TUBG1: variants seen among roughly 807,000 people sequenced by gnomAD.
TUBG1 encodes the protein tubulin gamma 1.
TUBG1 carries 22 observed loss-of-function variants against 53.3 expected under a neutral mutation model. The observed-to-expected ratio is 0.41, with a 90% CI of 0.29 to 0.59. The LOEUF (loss-of-function observed/expected upper bound fraction) is 0.59, where lower values mean the gene tolerates loss of function less well. Ranked by LOEUF, TUBG1 falls within the 20% of genes least tolerant of loss-of-function variation. The pLI is 0.26. For missense variants in TUBG1, 217 were observed against 598.9 expected (o/e 0.36, Z 6.66); for synonymous variants, 198 against 236.7 (o/e 0.84, Z 1.50).
chr17:42,614,295 C>G lies in TUBG1; in HGVS notation c.879C>G (p.Val293=). The G allele has an allele frequency of 6.2e-7, 1 of 1,613,990 alleles. No individual in the cohort carries two copies. Among genetic ancestry groups the G allele is most frequent in the Non-Finnish European group, 8.5e-7 (1 of 1,179,868 alleles). The part of the protein sequence containing the change: ...ASVRKTTVLD[V]MRRLLQPKNV... ...TGAGGAAGACCACGGTCCTGGATGT[C>G]ATGAGGCGGCTGCTGCAGCCCAAGA... is the stretch of plus-strand genomic sequence containing the variant. The change falls in exon 9 of 11, where the codon GTC becomes GTG. Residue 293 remains valine (V), a synonymous_variant. Transcript: ENST00000251413. The surrounding 1 kb of genome is among the most constrained non-coding windows in gnomAD (Gnocchi z 5.1).
Position 42,610,578 on chromosome 17 carries a change from C to T in TUBG1, c.318C>T (p.Ser106=), listed in dbSNP as rs770774247. 6 of 1,614,032 alleles carry T rather than the reference C, an allele frequency of 3.7e-6. No homozygotes were observed. The highest frequency in any genetic ancestry group is 1.3e-5 in the African/African-American group (1 of 74,914). ...HGGGAGNNWA[S]GFSQGEKIHE... The stretch of plus-strand genomic sequence containing the variant: ...GAGGAGCTGGCAACAACTGGGCCAG[C>T]GGATTCTCCCAGGTCGTTTCCTATT... The change falls in exon 3 of 11, where the codon AGC becomes AGT. Residue 106 remains serine, a synonymous_variant. Transcript: ENST00000251413.
At chr17:42,613,380 C>T (rs1464609245) in intron 6 of TUBG1, among the ~76,000 whole-genome samples, 1 of 151,916 alleles carries the variant, frequency 6.6e-6, no homozygotes, top group East Asian at 1.9e-4. Context: ...GATCATGTCA[C>T]TGACTGCACT....
chr17:42,614,852 G>T lies in TUBG1; in HGVS notation c.1167G>T (p.Glu389Asp). The T allele has an allele frequency of 6.2e-7, 1 of 1,614,204 alleles. No homozygotes were observed. The highest frequency in any genetic ancestry group is 8.5e-7 in the Non-Finnish European group (1 of 1,180,030). Reference protein sequence around the residue: ...ANHTSISSLFERTCRQYDKLR... With the variant: ...ANHTSISSLFDRTCRQYDKLR... ...TTTCTGCACACCCCAAGCTCTTCGAGAGAACCTGTCGCCAGTATGACAAGC... is the reference window on the plus strand; with the variant it reads ...TTTCTGCACACCCCAAGCTCTTCGATAGAACCTGTCGCCAGTATGACAAGC... The change falls in exon 11 of 11, where the codon GAG (glutamate) becomes GAT (aspartate). Residue 389 changes from glutamate (E) to aspartate (D), a missense_variant. This residue lies in a region of TUBG1 where 135 missense variants were observed against 371.2 expected (regional missense o/e 0.36). Coordinates refer to ENST00000251413, the MANE Select transcript of TUBG1 (RefSeq NM_001070.5). This position sits in a 1 kb window ranked among gnomAD's most constrained non-coding sequence, Gnocchi z 5.1.
chr17:42,613,770 C>T, intron 7 of TUBG1, 37 bp downstream of exon 7: 1 of 1,614,150 alleles, frequency 6.2e-7, no homozygotes, highest in Non-Finnish European at 8.5e-7. Flanking sequence ...GGACTTGAAG[C>T]CCTCCTTGTT....
At chr17:42,613,285 A>G (rs1597749054) in intron 6 of TUBG1, among the ~76,000 whole-genome samples, 1 of 152,244 alleles carries the variant, frequency 6.6e-6, no homozygotes, top group South Asian at 2.1e-4. Context: ...CCCCATCTCT[A>G]CTAAAAATAC....
chr17:42,610,742 G>A lies in TUBG1; in HGVS notation c.330+152G>A. On this transcript the variant is annotated intron_variant, in intron 3 of 10. Transcript: ENST00000251413. ...AGTGGACTATGTAATATTGTCAAGC[G>A]CCTACACTAGCTAATGCAGTGTGCC... The A allele has an allele frequency of 1.9e-6, 2 of 1,078,376 alleles. 1 individual carries two copies. The highest frequency in any genetic ancestry group is 3.2e-5 in the South Asian group (2 of 62,828). 66.8% of individuals were successfully genotyped at this position (1,078,376 alleles called of 1,614,324 possible). A position where few individuals can be genotyped will look rare whatever the true frequency, so the allele number is the denominator to read the frequency against.
At chr17:42,611,557 T>C (rs1301160906) in intron 3 of TUBG1, among the ~76,000 whole-genome samples, 4 of 152,160 alleles carry the variant, frequency 2.6e-5, no homozygotes, top group Admixed American at 2.6e-4. Context: ...CAGAGCTACA[T>C]AGAAGTAGAG....
intron 6 of TUBG1, among the ~76,000 whole-genome samples, 199 bp from the exon 7 acceptor site, chr17:42,613,448 T>C (rs2052051698): frequency 6.6e-6 from 1 of 151,076 alleles, no homozygotes; most frequent in African/African-American, 2.4e-5. Flanking sequence ...AAAAAAAAAC[T>C]GTTTAAATAA....
At chr17:42,612,272 C>G (rs920771967) in intron 4 of TUBG1, 129 bp downstream of exon 4, 1 of 1,305,696 alleles carries the variant, frequency 7.7e-7, no homozygotes, top group Non-Finnish European at 1.1e-6. Flanking sequence ...TCAGGCCTTG[C>G]CAGAAACAAG....
Position 42,610,012 on chromosome 17 carries a change from T to C in TUBG1, c.50-96T>C, listed in dbSNP as rs117672806. On this transcript the variant is annotated intron_variant, in intron 1 of 10. Coordinates refer to ENST00000251413, the MANE Select transcript of TUBG1 (RefSeq NM_001070.5). Reference sequence around the variant, plus strand: ...GGGAGAGTCCTGCGGCTTGACTTCTTATCCCTGGACGCAGGCGCCCAGTCC... The same window carrying C: ...GGGAGAGTCCTGCGGCTTGACTTCTCATCCCTGGACGCAGGCGCCCAGTCC... 1.9e-3 allele frequency: 2,705 copies of C among 1,457,318 alleles called. 7 individuals are homozygous for C. Among genetic ancestry groups the C allele is most frequent in the Admixed American group, 2.6e-3 (133 of 50,730 alleles). 90.3% of individuals were successfully genotyped at this position (1,457,318 alleles called of 1,614,324 possible).
chr17:42,611,527 G>C (rs552095169), intron 3 of TUBG1, among the ~76,000 whole-genome samples: 1 of 152,292 alleles, frequency 6.6e-6, no homozygotes, highest in South Asian at 2.1e-4. Flanking sequence ...CTGAGGCATA[G>C]AGCAATTAAA....
In TUBG1 at chr17:42,614,454, G is replaced by A; in HGVS notation, c.996+42G>A. On this transcript the variant is annotated intron_variant, in intron 9 of 10. Transcript: ENST00000251413. The surrounding 1 kb of genome is among the most constrained non-coding windows in gnomAD (Gnocchi z 5.1). ...CATCCCACACCCTGGACCTGCAGGG[G>A]TAGAGGAGAGGCCACCTCCACTGCT... 1.2e-6 allele frequency: 2 copies of A among 1,614,138 alleles called. No homozygotes were observed. Among genetic ancestry groups the A allele is most frequent in the African/African-American group, 1.3e-5 (1 of 75,032 alleles).
chr17:42,614,849 C>G lies in TUBG1; in HGVS notation c.1164C>G (p.Phe388Leu), dbSNP rs1028945256. The change falls in exon 11 of 11, where the codon TTC (phenylalanine) becomes TTG (leucine). Residue 388 changes from phenylalanine to leucine, a missense_variant. Physicochemically the swap from Phe to Leu is conservative, Grantham distance 22 (BLOSUM62 0). Around this residue, in one of 4 missense-constraint regions of TUBG1, gnomAD observed 135 missense variants for 371.2 expected, o/e 0.36. Coordinates refer to ENST00000251413, the MANE Select transcript of TUBG1 (RefSeq NM_001070.5). This position sits in a 1 kb window ranked among gnomAD's most constrained non-coding sequence, Gnocchi z 5.1. ...TGTTTTCTGCACACCCCAAGCTCTT[C>G]GAGAGAACCTGTCGCCAGTATGACA... ...MANHTSISSLFERTCRQYDKL... is the reference protein window; with the variant it reads ...MANHTSISSLLERTCRQYDKL... 6.2e-7 allele frequency: 1 copy of G among 1,614,196 alleles called. No homozygotes were observed. Among genetic ancestry groups the G allele is most frequent in the Non-Finnish European group, 8.5e-7 (1 of 1,180,018 alleles).
chr17:42,614,115 G>A lies in TUBG1; in HGVS notation c.843+117G>A, dbSNP rs549860293. 16 of 1,584,576 alleles carry A rather than the reference G, an allele frequency of 1.0e-5. 1 individual carries two copies. The highest frequency in any genetic ancestry group is 8.1e-5 in the South Asian group (7 of 86,196). ...CTACCCTTTGTGGACCCCAAGGCGCGGCGCTCAGGGACTGGCACAGAGTGG... is the reference window on the plus strand; with the variant it reads ...CTACCCTTTGTGGACCCCAAGGCGCAGCGCTCAGGGACTGGCACAGAGTGG... On this transcript the variant is annotated intron_variant, in intron 8 of 10. Transcript: ENST00000251413. This position sits in a 1 kb window ranked among gnomAD's most constrained non-coding sequence, Gnocchi z 5.1.
intron 3 of TUBG1, 72 bp downstream of exon 3, chr17:42,610,662 G>C: frequency 6.2e-7 from 1 of 1,601,672 alleles, no homozygotes; most frequent in Non-Finnish European, 8.5e-7. Context: ...CCCGAAGAGA[G>C]GGAAAACCGG....
Position 42,614,225 on chromosome 17 carries a change from G to C in TUBG1, c.844-35G>C. On this transcript the variant is annotated intron_variant, in intron 8 of 10. Coordinates refer to ENST00000251413, the MANE Select transcript of TUBG1 (RefSeq NM_001070.5). The surrounding 1 kb of genome is among the most constrained non-coding windows in gnomAD (Gnocchi z 5.1). The stretch of plus-strand genomic sequence containing the variant: ...AAGCCAAAGGGGGACTGTGCCCTGA[G>C]CGCTGGCCGGGTCCCTGTCTCACTG... 1.2e-6 allele frequency: 2 copies of C among 1,613,662 alleles called. No individual in the cohort carries two copies. Among genetic ancestry groups the C allele is most frequent in the Non-Finnish European group, 1.7e-6 (2 of 1,179,726 alleles).
Position 42,612,487 on chromosome 17 carries a change from T to G in TUBG1, c.460T>G (p.Leu154Val). The change falls in exon 5 of 11, where the codon TTA (leucine) becomes GTA (valine). Residue 154 changes from leucine to valine, a missense_variant. Physicochemically the swap from Leu to Val is conservative, Grantham distance 32. This residue lies in a region of TUBG1 where 135 missense variants were observed against 371.2 expected (regional missense o/e 0.36). Transcript: ENST00000251413. ...AGGCTCTGGACTGGGTTCCTACCTCTTAGAACGGCTGAATGACAGGTAAGT... is the reference window on the plus strand; with the variant it reads ...AGGCTCTGGACTGGGTTCCTACCTCGTAGAACGGCTGAATGACAGGTAAGT... ...GTGSGLGSYLLERLNDRYPKK... is the reference protein window; with the variant it reads ...GTGSGLGSYLVERLNDRYPKK... 1 of 1,614,044 alleles carries G rather than the reference T, an allele frequency of 6.2e-7. No homozygotes were observed. The highest frequency in any genetic ancestry group is 8.5e-7 in the Non-Finnish European group (1 of 1,179,994).
intron 4 of TUBG1, 93 bp downstream of exon 4, chr17:42,612,236 G>A: frequency 7.1e-7 from 1 of 1,412,802 alleles, no homozygotes; most frequent in Non-Finnish European, 1.0e-6. Flanking sequence ...ACCCACTCAT[G>A]TACCCTTTGC....
chr17:42,610,693 G>T (rs1301011604), intron 3 of TUBG1, 103 bp downstream of exon 3: 1 of 1,537,206 alleles, frequency 6.5e-7, no homozygotes, highest in Non-Finnish European at 8.9e-7. Flanking sequence ...TATGAATGCT[G>T]GAGGGAGAGA....
Sources: allele counts gnomAD v4.1 joint callset (sites outside exome capture counted in the v4.1 genomes callset), GRCh38; gene constraint gnomAD v4.1.1; regional missense constraint gnomAD v4.1.1; non-coding constraint Gnocchi (gnomAD v3.1); transcripts MANE v1.5; gene names NCBI Gene and HGNC (gene_info 2026-07-23, HGNC 2026-07-21).